The following PEAK1 variants were observed in gnomAD, a reference collection of about 807,000 sequenced individuals.
PEAK1 encodes the protein inactive tyrosine-protein kinase PEAK1.
In PEAK1, 54 loss-of-function variants were observed where a neutral mutation model predicts 124.7. The observed-to-expected ratio is 0.43, with a 90% CI of 0.35 to 0.54. The LOEUF is 0.54. Ranked by LOEUF, PEAK1 falls within the 20% of genes least tolerant of loss-of-function variation. The pLI is 0.01. For missense variants in PEAK1, 2,046 were observed against 2,134.5 expected (o/e 0.96, Z 0.82); for synonymous variants, 719 against 760.0 (o/e 0.95, Z 0.89).
chr15:77,384,270 T>C (rs34137991), intron 1 of PEAK1, among the ~76,000 whole-genome samples: 12,474 of 152,182 alleles, frequency 0.082, 595 homozygotes, highest in Non-Finnish European at 0.1. Context: ...CCACCTGTTT[T>C]AGATATTCTC....
At chr15:77,144,695 G>C (rs764777049) in intron 8 of PEAK1, among the ~76,000 whole-genome samples, 7 of 152,192 alleles carry the variant, frequency 4.6e-5, no homozygotes, top group Non-Finnish European at 1.0e-4. Flanking sequence ...ATGAGAATCA[G>C]AAACTTATGC....
chr15:77,268,625 G>GC (rs2061864300), intron 5 of PEAK1, among the ~76,000 whole-genome samples: 1 of 152,128 alleles, frequency 6.6e-6, no homozygotes, highest in African/African-American at 2.4e-5. Flanking sequence ...TCTTGGCCTT[G>GC]CTAGGGATCT....
chr15:77,255,345 A>G (rs779200162), intron 5 of PEAK1: 91 of 975,228 alleles, frequency 9.3e-5, no homozygotes, highest in Non-Finnish European at 1.1e-4. Context: ...TTGGGTTCTG[A>G]CTCTCCATTT....
At chr15:77,304,911 C>A (rs1048890502) in intron 2 of PEAK1, among the ~76,000 whole-genome samples, 16 of 151,968 alleles carry the variant, frequency 1.1e-4, no homozygotes, top group African/African-American at 3.9e-4. Flanking sequence ...GTGGATCATT[C>A]CTGCATGCAT....
intron 6 of PEAK1, among the ~76,000 whole-genome samples, chr15:77,205,633 G>C (rs1473258232): frequency 6.6e-6 from 1 of 152,062 alleles, no homozygotes; most frequent in Non-Finnish European, 1.5e-5. Context: ...CCTAATAACT[G>C]TTAATGTGCT....
chr15:77,203,569 AG>A (rs2058476566), intron 6 of PEAK1, among the ~76,000 whole-genome samples: 1 of 152,212 alleles, frequency 6.6e-6, no homozygotes, highest in African/African-American at 2.4e-5. Context: ...TACTGGCAAA[AG>A]AACAGACAAA....
intron 7 of PEAK1, among the ~76,000 whole-genome samples, chr15:77,170,246 T>C (rs549247238): frequency 2.6e-5 from 4 of 152,042 alleles, no homozygotes; most frequent in Non-Finnish European, 5.9e-5. Flanking sequence ...TACTAGTCTA[T>C]CTACTTCTGT....
rs544856546 is a variant in PEAK1 at position 77,170,877 on chromosome 15, A to G, written c.3137+7913T>C. Among the ~76,000 whole-genome samples, 3 of 152,218 alleles carry G rather than the reference A, an allele frequency of 2.0e-5. No individual in the cohort carries two copies. In the South Asian group the frequency reaches 6.2e-4, roughly 32 times the overall value. ...AGTATTATTCCCCCATGTGATGGAC[A>G]CCAAAGAGTTGCAGAAATGGTAGGT... On this transcript the variant is annotated intron_variant, in intron 7 of 9. Transcript: ENST00000682557.
intron 7 of PEAK1, among the ~76,000 whole-genome samples, chr15:77,160,641 G>A (rs1429910723): frequency 6.6e-6 from 1 of 151,954 alleles, no homozygotes; most frequent in East Asian, 1.9e-4. Context: ...GTGCCACTGC[G>A]CTCCAGCCTA....
At chr15:77,235,736 C>G (rs1199654935) in intron 6 of PEAK1, among the ~76,000 whole-genome samples, 13 of 152,332 alleles carry the variant, frequency 8.5e-5, no homozygotes, top group Admixed American at 7.8e-4. Context: ...AAGGCAGCCC[C>G]TCTCATCACA....
chr15:77,253,481 C>A (rs1301590978), intron 5 of PEAK1, among the ~76,000 whole-genome samples: 5 of 152,164 alleles, frequency 3.3e-5, no homozygotes, highest in African/African-American at 1.2e-4. Context: ...GTATTCATTT[C>A]TTCCTGTAGA....
chr15:77,403,912 A>G (rs2071585386), intron 1 of PEAK1: 1 of 981,776 alleles, frequency 1.0e-6, no homozygotes, highest in Non-Finnish European at 1.2e-6. Context: ...TTTAATTTCC[A>G]ACTTTTAGGT....
At chr15:77,147,872 A>G (rs2054284743) in intron 8 of PEAK1, among the ~76,000 whole-genome samples, 1 of 152,242 alleles carries the variant, frequency 6.6e-6, no homozygotes, top group African/African-American at 2.4e-5. Flanking sequence ...TTTGTGTAAC[A>G]ATGGAAATGT....
At chr15:77,244,122 TA>T (rs1042373660) in intron 6 of PEAK1, among the ~76,000 whole-genome samples, 1 of 151,952 alleles carries the variant, frequency 6.6e-6, no homozygotes. Context: ...TTGGTAGTCT[TA>T]AAAAAAATAC....
intron 2 of PEAK1, among the ~76,000 whole-genome samples, chr15:77,294,278 A>G (rs993917850): frequency 6.6e-6 from 1 of 152,212 alleles, no homozygotes; most frequent in Non-Finnish European, 1.5e-5. Context: ...AAAGGAAACT[A>G]CAGTAAATAT....
chr15:77,265,526 C>G (rs187898466), intron 5 of PEAK1, among the ~76,000 whole-genome samples: 77 of 152,332 alleles, frequency 5.1e-4, no homozygotes, highest in African/African-American at 1.8e-3. Context: ...CACTGGCCAT[C>G]AGAGAAATGC....
At position 77,112,134 on chromosome 15, in the gene PEAK1, G is replaced by A. The variant is rs1219212742; in HGVS notation, c.*2022C>T. 1 of 152,220 alleles carries A rather than the reference G, an allele frequency of 6.6e-6. No individual in the cohort carries two copies. The highest frequency in any genetic ancestry group is 2.4e-5 in the African/African-American group (1 of 41,458). The allele number at this position is 152,220 out of a possible 1,614,324, so 9.4% of individuals were successfully genotyped here. A position where few individuals can be genotyped will look rare whatever the true frequency, so the allele number is the denominator to read the frequency against. ...GCAGAGCCCTGCACTCTGGCTAGAGGAGGCAAGACTCTTTGTGGGCTAACC... is the reference window on the plus strand; with the variant it reads ...GCAGAGCCCTGCACTCTGGCTAGAGAAGGCAAGACTCTTTGTGGGCTAACC... On this transcript the variant is annotated 3_prime_UTR_variant, in exon 10 of 10. Transcript: ENST00000682557.
chr15:77,346,395 A>G (rs1341308210), intron 2 of PEAK1: 1 of 984,198 alleles, frequency 1.0e-6, no homozygotes, highest in Non-Finnish European at 1.2e-6. Flanking sequence ...AATGTTTATG[A>G]GAAGGCAATT....
At chr15:77,200,681 T>C (rs563488680) in intron 6 of PEAK1, among the ~76,000 whole-genome samples, 1 of 152,252 alleles carries the variant, frequency 6.6e-6, no homozygotes, top group South Asian at 2.1e-4. Flanking sequence ...TAAAAGGCTT[T>C]TGTTTATTTA....
Sources: gnomAD v4.1 joint callset for allele counts (sites outside exome capture counted in the v4.1 genomes callset) on GRCh38, gnomAD v4.1.1 for gene constraint, MANE v1.5 for transcripts, NCBI Gene and HGNC (gene_info 2026-07-23, HGNC 2026-07-21) for gene names.